The following TMEM235 variants were observed in gnomAD, a reference collection of about 807,000 sequenced individuals.
TMEM235 encodes transmembrane protein 235, also known as claudin-27.
A neutral mutation model predicts 22.9 loss-of-function variants in TMEM235; 23 were observed. The observed-to-expected ratio is 1.00, with a 90% confidence interval of 0.72 to 1.42. The LOEUF (loss-of-function observed/expected upper bound fraction) is 1.42, where lower values mean the gene tolerates loss of function less well. Ranked by LOEUF, TMEM235 falls within the 40% of genes most tolerant of loss-of-function variation. The pLI, the probability that TMEM235 is intolerant of heterozygous loss-of-function variation, is 0.00. For synonymous variants in TMEM235, 137 were observed against 140.5 expected, an observed-to-expected ratio of 0.98 and a Z score of 0.17; for missense variants, 308 against 299.5, an observed-to-expected ratio of 1.03 and a Z score of -0.21.
At chr17:78,233,552 G>A (rs552544572) in intron 2 of TMEM235, among the ~76,000 whole-genome samples, 1 of 152,098 alleles carries the variant, frequency 6.6e-6, no homozygotes, top group African/African-American at 2.4e-5. Flanking sequence ...AAAATTAGCC[G>A]GGCACGGTGG....
chr17:78,232,589 G>A (rs1338861550), intron 2 of TMEM235, among the ~76,000 whole-genome samples: 1 of 152,226 alleles, frequency 6.6e-6, no homozygotes, highest in African/African-American at 2.4e-5. Flanking sequence ...CCCCGTCCCT[G>A]TCAGGCACTG....
exon 3 of TMEM235, chr17:78,233,921 G>A (rs775075351): frequency 2.6e-6 from 4 of 1,535,766 alleles, no homozygotes; most frequent in Non-Finnish European, 1.7e-6. Flanking sequence ...CCCGCTGGTC[G>A]ACCCTTTTGC....
chr17:78,236,890 C>G (rs922396495), intron 4 of TMEM235, among the ~76,000 whole-genome samples: 20 of 151,356 alleles, frequency 1.3e-4, no homozygotes, highest in African/African-American at 3.9e-4. Flanking sequence ...AAGGTCTCCT[C>G]TAGACAATGA....
At chr17:78,240,845 G>GT (rs747266597) in exon 6 of TMEM235, 1 of 152,290 alleles carries the variant, frequency 6.6e-6, no homozygotes, top group Non-Finnish European at 1.5e-5. Flanking sequence ...ACCATTCCAT[G>GT]TGGGACCATT....
rs560767398 is a variant in TMEM235 at position 78,237,361 on chromosome 17, G to A, written c.410-1663G>A. On this transcript the variant is annotated intron_variant, in intron 4 of 5. Transcript: ENST00000421688. The surrounding 1 kb of genome is among the most constrained non-coding windows in gnomAD (Gnocchi z 4.7). The stretch of plus-strand genomic sequence containing the variant: ...GGCCTGGGGGACCGACAGGGCCCAC[G>A]GTGACAGAGTCCTTTAGAGTTTCCC... 2.6e-5 allele frequency among the ~76,000 whole-genome samples: 4 copies of A among 152,244 alleles called. No individual in the cohort carries two copies. Among genetic ancestry groups the A allele is most frequent in the East Asian group, 3.9e-4 (2 of 5,172 alleles).
At position 78,231,634 on chromosome 17, in the gene TMEM235, C is replaced by T. The variant is rs2076579816; in HGVS notation, c.-390C>T. ...GCCGATCCTCCCTCCTCCTCTCAAG[C>T]CCTGCACAGCCCGGCCAGGCAGGTG... On this transcript the variant is annotated 5_prime_UTR_variant, in exon 2 of 6. Transcript: ENST00000421688. 7.7e-6 allele frequency: 10 copies of T among 1,301,896 alleles called. No individual in the cohort carries two copies. The South Asian group carries it at 1.2e-4, about 16-fold the overall frequency. 80.6% of individuals were successfully genotyped at this position (1,301,896 alleles called of 1,614,324 possible).
Position 78,240,033 on chromosome 17 carries a change from C to T in TMEM235, c.*241C>T, listed in dbSNP as rs2076692246. On this transcript the variant is annotated 3_prime_UTR_variant, in exon 6 of 6. Coordinates refer to ENST00000421688, the Ensembl canonical transcript of TMEM235. ...GTTCTCAAGCCTGCTAGGTACTTTT[C>T]ACTGAGCACTTCCGGGAAGAGCAGG... is the stretch of plus-strand genomic sequence containing the variant. 4.0e-6 allele frequency: 6 copies of T among 1,504,708 alleles called. No individual in the cohort carries two copies. The East Asian group carries it at 1.5e-4, about 38-fold the overall frequency. 93.2% of individuals were successfully genotyped at this position (1,504,708 alleles called of 1,614,324 possible). A position where few individuals can be genotyped will look rare whatever the true frequency, so the allele number is the denominator to read the frequency against.
exon 2 of TMEM235, chr17:78,232,006 C>T (rs2076586371): frequency 1.7e-5 from 21 of 1,259,800 alleles, no homozygotes; most frequent in Non-Finnish European, 1.8e-5. Context: ...GACCCGTCCC[C>T]TCCCGCCGGC....
chr17:78,233,874 T>G, intron 2 of TMEM235, 21 bp from the exon 2 acceptor site: 1 of 1,535,404 alleles, frequency 6.5e-7, no homozygotes, highest in Admixed American at 2.0e-5. Context: ...GGCCCCAGGC[T>G]TCGAGGCCTA....
rs1393972114 is a variant in TMEM235 at position 78,231,415 on chromosome 17, GT to G, written c.-592-11del. 4 of 1,291,718 alleles carry G rather than the reference GT, an allele frequency of 3.1e-6. No homozygotes were observed. The East Asian group carries it at 2.3e-4, about 73-fold the overall frequency. 80.0% of individuals were successfully genotyped at this position (1,291,718 alleles called of 1,614,324 possible). On this transcript the variant is annotated splice_polypyrimidine_tract_variant and intron_variant, in intron 1 of 5. Coordinates refer to ENST00000421688, the Ensembl canonical transcript of TMEM235. Reference sequence around the variant, plus strand: ...TAATTATGAGTGAATCCAAAACAAGGTTTTTTCCTTCCGCAGCCCCCCGCCC... The same window carrying G: ...TAATTATGAGTGAATCCAAAACAAGGTTTTTCCTTCCGCAGCCCCCCGCCC...
chr17:78,234,616 G>A, exon 4 of TMEM235: 1 of 1,536,182 alleles, frequency 6.5e-7, no homozygotes, highest in African/African-American at 1.4e-5. Context: ...AGTCATTGTG[G>A]TCCTGCCCCT....
Position 78,239,778 on chromosome 17 carries a change from AG to A in TMEM235, c.660-1del. The A allele has an allele frequency of 6.5e-7, 1 of 1,541,360 alleles. No individual in the cohort carries two copies. Among genetic ancestry groups the A allele is most frequent in the Non-Finnish European group, 8.8e-7 (1 of 1,138,604 alleles). On this transcript the variant is annotated splice_acceptor_variant, in intron 5 of 5. Coordinates refer to ENST00000421688, the Ensembl canonical transcript of TMEM235. LOFTEE classifies it high-confidence loss of function. ...AATGACTACCCTTTATCCATTTTAC[AG>A]AGGGGGAGACTGAGGCCCAGAGCGG...
chr17:78,232,145 A>G (rs1291304856), exon 2 of TMEM235: 2 of 1,488,368 alleles, frequency 1.3e-6, no homozygotes, highest in Admixed American at 4.5e-5. Flanking sequence ...GACGCCGGCA[A>G]TGGCAGCGCC....
chr17:78,234,531 G>A, intron 3 of TMEM235, 62 bp from the exon 3 acceptor site: 1 of 1,529,616 alleles, frequency 6.5e-7, no homozygotes, highest in South Asian at 1.2e-5. Context: ...CTGTCCTCCG[G>A]CAGACAAGTG....
chr17:78,232,384 C>T (rs987764693), intron 2 of TMEM235, among the ~76,000 whole-genome samples, 171 bp downstream of exon 1: 1 of 152,190 alleles, frequency 6.6e-6, no homozygotes, highest in African/African-American at 2.4e-5. Flanking sequence ...CCTCCGTCTT[C>T]CCCCAAAACT....
intron 5 of TMEM235, 62 bp from the exon 5 acceptor site, chr17:78,239,718 C>T (rs562772900): frequency 1.3e-6 from 2 of 1,497,940 alleles, no homozygotes; most frequent in African/African-American, 1.4e-5. Context: ...GGACTGGGCT[C>T]CATGCTCCTC....
intron 2 of TMEM235, among the ~76,000 whole-genome samples, chr17:78,233,106 CTG>C (rs779085594): frequency 8.5e-5 from 13 of 152,222 alleles, no homozygotes; most frequent in South Asian, 4.1e-4. Flanking sequence ...GACTGCCTAA[CTG>C]TGCTCCAAAG....
At chr17:78,233,960 G>A in exon 3 of TMEM235, 1 of 1,530,346 alleles carries the variant, frequency 6.5e-7, no homozygotes, top group Non-Finnish European at 8.7e-7. Flanking sequence ...CTCCACCTCG[G>A]TGCAGCACCT....
At chr17:78,234,049 C>G in intron 3 of TMEM235, 74 bp downstream of exon 2, 1 of 1,315,258 alleles carries the variant, frequency 7.6e-7, no homozygotes, top group Non-Finnish European at 1.0e-6. Flanking sequence ...CATCCCCATC[C>G]CCATCCCGCA....
Sources: gnomAD v4.1 joint callset for allele counts (sites outside exome capture counted in the v4.1 genomes callset) on GRCh38, gnomAD v4.1.1 for gene constraint, Gnocchi (gnomAD v3.1) non-coding constraint, MANE v1.5 for transcripts, NCBI Gene and HGNC (gene_info 2026-07-23, HGNC 2026-07-21) for gene names.